The following PREX1 variants were observed in gnomAD, a reference collection of about 807,000 sequenced individuals.
PREX1 encodes the protein phosphatidylinositol 3,4,5-trisphosphate-dependent Rac exchanger 1 protein.
A neutral mutation model predicts 198.3 loss-of-function variants in PREX1; 41 were observed. The ratio of observed to expected loss-of-function variants is 0.21; its 90% CI spans 0.16 to 0.27. The LOEUF (loss-of-function observed/expected upper bound fraction) is 0.27. PREX1 is among the 10% of genes least tolerant of loss of function. The pLI is 1.00. For synonymous variants in PREX1, 843 were observed against 887.2 expected (o/e 0.95, Z 0.89); for missense variants, 1,620 against 2,200.7 (o/e 0.74, Z 5.28).
chr20:48,777,057 A>G (rs903162936), intron 1 of PREX1, among the ~76,000 whole-genome samples: 12 of 152,210 alleles, frequency 7.9e-5, no homozygotes, highest in Non-Finnish European at 1.5e-5. Flanking sequence ...TATGAATAAT[A>G]ATAGTTGCTG....
intron 3 of PREX1, among the ~76,000 whole-genome samples, chr20:48,739,843 G>A (rs1239492360): frequency 6.6e-6 from 1 of 152,114 alleles, no homozygotes; most frequent in African/African-American, 2.4e-5. Context: ...ATCTCTCTGG[G>A]CCTTGGTTTC....
chr20:48,759,336 G>T (rs1032754665), intron 1 of PREX1, among the ~76,000 whole-genome samples: 1 of 151,968 alleles, frequency 6.6e-6, no homozygotes, highest in Non-Finnish European at 1.5e-5. Flanking sequence ...GATCACCTGA[G>T]GTCAGGAGTT....
Position 48,700,922 on chromosome 20 carries a change from C to T in PREX1, c.784-36G>A, listed in dbSNP as rs779309056. The T allele has an allele frequency of 5.6e-6, 9 of 1,612,284 alleles. No individual in the cohort carries two copies. The Admixed American group carries it at 1.5e-4, about 27-fold the overall frequency. On this transcript the variant is annotated intron_variant, in intron 6 of 39. Transcript: ENST00000371941. The stretch of plus-strand genomic sequence containing the variant: ...AATGAGGACACAGTGAATGAGCCAA[C>T]CCAGGAACATCCCCTTCCTTTCCCA...
chr20:48,779,829 T>A (rs1440059534), intron 1 of PREX1, among the ~76,000 whole-genome samples: 2 of 152,140 alleles, frequency 1.3e-5, no homozygotes. Context: ...AGGAAATGGA[T>A]GAGTGGTTGT....
intron 1 of PREX1, among the ~76,000 whole-genome samples, chr20:48,798,696 C>T (rs1372804440): frequency 1.3e-5 from 2 of 152,196 alleles, no homozygotes; most frequent in African/African-American, 2.4e-5. Context: ...CCCAAGCTCC[C>T]ACGGTGATAC....
intron 1 of PREX1, among the ~76,000 whole-genome samples, chr20:48,815,569 G>A (rs948645118): frequency 3.9e-5 from 6 of 152,196 alleles, no homozygotes; most frequent in African/African-American, 1.2e-4. Flanking sequence ...AACATCTGGC[G>A]TAAATGTCCC....
chr20:48,859,848 T>C, the PREX1 span, among the ~76,000 whole-genome samples: 1 of 152,134 alleles, frequency 6.6e-6, no homozygotes, highest in Non-Finnish European at 1.5e-5. Context: ...CGAAACCCTG[T>C]CTCTACTAAA....
chr20:48,679,937 A>G (rs746162767), intron 11 of PREX1, among the ~76,000 whole-genome samples, 183 bp from the exon 12 acceptor site: 10 of 151,844 alleles, frequency 6.6e-5, no homozygotes, highest in Non-Finnish European at 1.5e-4. Context: ...GGTGGGTGCT[A>G]TGACTTCCCC....
At chr20:48,670,369 G>A (rs61196961) in intron 14 of PREX1, among the ~76,000 whole-genome samples, 2,751 of 151,304 alleles carry the variant, frequency 0.018, 86 homozygotes, top group African/African-American at 0.061. Context: ...GGGAGCCCAC[G>A]TGGCGGGCAT....
intron 1 of PREX1, among the ~76,000 whole-genome samples, chr20:48,784,930 T>G (rs1244295233): frequency 1.3e-5 from 2 of 152,060 alleles, no homozygotes; most frequent in African/African-American, 2.4e-5. Flanking sequence ...TTTTTTTTTT[T>G]GAGACCGAGT....
chr20:48,867,944 A>G, the PREX1 span, among the ~76,000 whole-genome samples: 2 of 151,462 alleles, frequency 1.3e-5, no homozygotes, highest in Non-Finnish European at 2.9e-5. Context: ...CCTTGCCTCA[A>G]GTGATCCTAC....
Position 48,656,416 on chromosome 20 carries a change from G to A in PREX1, c.2123+624C>T, listed in dbSNP as rs1306210750. 3.3e-5 allele frequency: 10 copies of A among 303,806 alleles called. No individual in the cohort carries two copies. In the African/African-American group the frequency reaches 4.6e-4, roughly 14 times the overall value. The allele number at this position is 303,806 out of a possible 1,614,324, so 18.8% of individuals were successfully genotyped here. ...GGCTCCCCATGGGTCCTTGCCAGGG[G>A]CCTCCAGGGCTGGACCCCGTTACCC... On this transcript the variant is annotated intron_variant, in intron 18 of 39. Transcript: ENST00000371941.
intron 3 of PREX1, among the ~76,000 whole-genome samples, chr20:48,741,154 A>G (rs2090079783): frequency 1.3e-5 from 2 of 152,076 alleles, no homozygotes; most frequent in African/African-American, 2.4e-5. Flanking sequence ...AAATAATAAT[A>G]CAAAGAATAC....
At chr20:48,880,558 G>A in the PREX1 span, among the ~76,000 whole-genome samples, 15 of 152,052 alleles carry the variant, frequency 9.9e-5, no homozygotes, top group Non-Finnish European at 1.8e-4. Context: ...GCCACATTTC[G>A]GGCAGCAAGA....
chr20:48,857,252 C>T, the PREX1 span, among the ~76,000 whole-genome samples: 1 of 152,312 alleles, frequency 6.6e-6, no homozygotes, highest in African/African-American at 2.4e-5. Flanking sequence ...AGTAGGGAAA[C>T]ACACCTCATC....
chr20:48,721,717 C>A (rs2089986803), intron 5 of PREX1, among the ~76,000 whole-genome samples: 1 of 152,180 alleles, frequency 6.6e-6, no homozygotes, highest in African/African-American at 2.4e-5. Context: ...AGCTGCTGAG[C>A]TGGGAGCAGC....
chr20:48,833,181 C>T, the PREX1 span, among the ~76,000 whole-genome samples: 1 of 152,150 alleles, frequency 6.6e-6, no homozygotes, highest in African/African-American at 2.4e-5. Context: ...GCTGCCCGAT[C>T]CTTGGATGGG....
chr20:48,628,312 G>A (rs368664435), intron 37 of PREX1, among the ~76,000 whole-genome samples: 4 of 152,200 alleles, frequency 2.6e-5, no homozygotes, highest in East Asian at 1.9e-4. Flanking sequence ...ACGACTTGTC[G>A]GCTCCGTGGG....
intron 5 of PREX1, among the ~76,000 whole-genome samples, chr20:48,715,927 C>A (rs1010988230): frequency 6.6e-6 from 1 of 152,298 alleles, no homozygotes; most frequent in Non-Finnish European, 1.5e-5. Context: ...GAGGTTAAAA[C>A]CCTCTTGCCC....
Sources: gnomAD v4.1 joint callset for allele counts (sites outside exome capture counted in the v4.1 genomes callset) on GRCh38, gnomAD v4.1.1 for gene constraint, MANE v1.5 for transcripts, NCBI Gene and HGNC (gene_info 2026-07-23, HGNC 2026-07-21) for gene names.